The following SGCZ variants were observed in gnomAD, a reference collection of about 807,000 sequenced individuals.
The protein encoded by SGCZ is sarcoglycan zeta.
A neutral mutation model predicts 41.3 loss-of-function variants in SGCZ; 40 were observed. The ratio of observed to expected loss-of-function variants is 0.97; its 90% CI spans 0.75 to 1.26. The LOEUF (loss-of-function observed/expected upper bound fraction) is 1.26, where lower values mean the gene tolerates loss of function less well. SGCZ is among the 50% of genes most tolerant of loss of function. The pLI is 0.00. For missense variants in SGCZ, 552 were observed against 369.8 expected, an observed-to-expected ratio of 1.49 and a Z score of -4.04; for synonymous variants, 206 against 137.5, an observed-to-expected ratio of 1.50 and a Z score of -3.49.
At chr8:15,002,332 A>G (rs1489958616) in intron 1 of SGCZ, among the ~76,000 whole-genome samples, 2 of 152,212 alleles carry the variant, frequency 1.3e-5, no homozygotes, top group Non-Finnish European at 2.9e-5. Flanking sequence ...AAGGAAATGT[A>G]TAGAATACAG....
At chr8:15,159,959 C>T (rs918581786) in intron 1 of SGCZ, among the ~76,000 whole-genome samples, 6 of 151,634 alleles carry the variant, frequency 4.0e-5, no homozygotes, top group South Asian at 2.1e-4. Context: ...TCATTATAGA[C>T]GAGTAGGAGA....
intron 1 of SGCZ, among the ~76,000 whole-genome samples, chr8:14,984,434 G>A (rs1193114430): frequency 1.3e-5 from 2 of 151,946 alleles, no homozygotes; most frequent in Non-Finnish European, 2.9e-5. Context: ...CATTTTTAGA[G>A]ATTATTTTTA....
At chr8:14,898,441 G>A (rs901792296) in intron 1 of SGCZ, among the ~76,000 whole-genome samples, 1 of 152,176 alleles carries the variant, frequency 6.6e-6, no homozygotes, top group African/African-American at 2.4e-5. Context: ...GGTTGGGAGG[G>A]TCACAGGTAA....
At chr8:15,108,463 G>T (rs1806917965) in intron 1 of SGCZ, among the ~76,000 whole-genome samples, 1 of 152,092 alleles carries the variant, frequency 6.6e-6, no homozygotes, top group Admixed American at 6.5e-5. Context: ...GAAATCAAGT[G>T]GATTTTGAAT....
intron 4 of SGCZ, among the ~76,000 whole-genome samples, chr8:14,213,894 A>G (rs981751518): frequency 6.6e-6 from 1 of 152,144 alleles, no homozygotes; most frequent in African/African-American, 2.4e-5. Context: ...CTAGTTTTAT[A>G]ATATCATTTA....
At chr8:14,718,910 A>G (rs1585206721) in intron 1 of SGCZ, among the ~76,000 whole-genome samples, 1 of 147,960 alleles carries the variant, frequency 6.8e-6, no homozygotes, top group East Asian at 2.0e-4. Flanking sequence ...TGTGCAGGTT[A>G]GTTACACATG....
At chr8:14,477,066 T>C (rs1801382716) in intron 2 of SGCZ, among the ~76,000 whole-genome samples, 1 of 152,240 alleles carries the variant, frequency 6.6e-6, no homozygotes, top group Non-Finnish European at 1.5e-5. Context: ...TTGATTTAAT[T>C]AAACCCTACT....
intron 1 of SGCZ, among the ~76,000 whole-genome samples, chr8:15,071,027 A>G (rs1372981720): frequency 6.6e-6 from 1 of 152,206 alleles, no homozygotes; most frequent in African/African-American, 2.4e-5. Context: ...CAAGCTAGTA[A>G]TACCTAAGAA....
intron 2 of SGCZ, among the ~76,000 whole-genome samples, chr8:14,465,146 T>C (rs1801013719): frequency 6.6e-6 from 1 of 151,696 alleles, no homozygotes; most frequent in South Asian, 2.1e-4. Context: ...TGTTTCTCCC[T>C]ATTATTGAAA....
Position 15,019,843 on chromosome 8 carries a change from G to C in SGCZ, c.39+217742C>G, listed in dbSNP as rs73521051. ...AGCATATTTAGGAAAACTAAGAAGAGTTCTGCTTCGGACATACTAGATTCG... is the reference window on the plus strand; with the variant it reads ...AGCATATTTAGGAAAACTAAGAAGACTTCTGCTTCGGACATACTAGATTCG... On this transcript the variant is annotated intron_variant, in intron 1 of 7. Coordinates refer to ENST00000382080, the MANE Select transcript of SGCZ (RefSeq NM_139167.4). Among the ~76,000 whole-genome samples the C allele has an allele frequency of 5.9e-3, 871 of 148,670 alleles. 11 individuals are homozygous for C. Among genetic ancestry groups the C allele is most frequent in the African/African-American group, 0.02 (814 of 40,108 alleles).
intron 2 of SGCZ, among the ~76,000 whole-genome samples, chr8:14,382,783 C>G (rs1184558378): frequency 1.3e-5 from 2 of 152,148 alleles, no homozygotes; most frequent in African/African-American, 2.4e-5. Flanking sequence ...TTATGGCTCT[C>G]TCATTCCTTT....
chr8:14,866,381 A>G (rs1803931330), intron 1 of SGCZ, among the ~76,000 whole-genome samples: 1 of 152,192 alleles, frequency 6.6e-6, no homozygotes, highest in Non-Finnish European at 1.5e-5. Context: ...ATCAACATTC[A>G]GCATCTTTTG....
intron 3 of SGCZ, among the ~76,000 whole-genome samples, chr8:14,316,376 A>G (rs950485081): frequency 6.6e-5 from 10 of 152,062 alleles, no homozygotes; most frequent in African/African-American, 2.4e-4. Flanking sequence ...CACCATTTGT[A>G]TATCTTTTCA....
chr8:14,943,382 C>G (rs1800338724), intron 1 of SGCZ, among the ~76,000 whole-genome samples: 1 of 152,108 alleles, frequency 6.6e-6, no homozygotes, highest in African/African-American at 2.4e-5. Context: ...CACTAAGTAC[C>G]TTGTATTCTG....
At chr8:14,766,830 G>A (rs1308671055) in intron 1 of SGCZ, among the ~76,000 whole-genome samples, 3 of 149,478 alleles carry the variant, frequency 2.0e-5, no homozygotes, top group Non-Finnish European at 3.0e-5. Context: ...TGCCCGCCTC[G>A]GCCTCCCAAA....
chr8:14,988,530 C>A lies in SGCZ; in HGVS notation c.39+249055G>T, dbSNP rs577797569. On this transcript the variant is annotated intron_variant, in intron 1 of 7. Transcript: ENST00000382080. ...TGGATTGAGAATAGTGTTTTCCTTC[C>A]CTTTACTATAAGGTAGAAATGATTA... Among the ~76,000 whole-genome samples, 6 of 151,862 alleles carry A rather than the reference C, an allele frequency of 4.0e-5. No individual in the cohort carries two copies. In the East Asian group the frequency reaches 1.2e-3, roughly 29 times the overall value.
At chr8:14,158,968 C>T (rs1453625220) in intron 5 of SGCZ, among the ~76,000 whole-genome samples, 1 of 152,130 alleles carries the variant, frequency 6.6e-6, no homozygotes, top group African/African-American at 2.4e-5. Flanking sequence ...GGGGTTTCAC[C>T]ATGTTGGCCA....
intron 4 of SGCZ, among the ~76,000 whole-genome samples, chr8:14,191,891 T>A (rs1240330038): frequency 6.6e-6 from 1 of 152,198 alleles, no homozygotes; most frequent in South Asian, 2.1e-4. Context: ...CTCAACCTAG[T>A]CATAATACTG....
intron 1 of SGCZ, among the ~76,000 whole-genome samples, chr8:14,977,495 T>C (rs1801516076): frequency 6.6e-6 from 1 of 152,204 alleles, no homozygotes; most frequent in African/African-American, 2.4e-5. Flanking sequence ...ATCCACATCA[T>C]CTAATATTTT....
Sources: gnomAD v4.1 joint callset for allele counts (sites outside exome capture counted in the v4.1 genomes callset) on GRCh38, gnomAD v4.1.1 for gene constraint, MANE v1.5 for transcripts, NCBI Gene and HGNC (gene_info 2026-07-23, HGNC 2026-07-21) for gene names.